Variants in NRXN1 observed in about 807,000 individuals in gnomAD.
The protein encoded by NRXN1 is neurexin-1.
NRXN1 carries 39 observed loss-of-function variants against 150.9 expected under a neutral mutation model. That is an observed-to-expected ratio of 0.26 (90% CI 0.20 to 0.34). The LOEUF is 0.34. NRXN1 is among the 10% of genes least tolerant of loss of function. The pLI is 1.00. For synonymous variants in NRXN1, 924 were observed against 757.0 expected, an observed-to-expected ratio of 1.22 and a Z score of -3.62; for missense variants, 1,815 against 1,949.9, an observed-to-expected ratio of 0.93 and a Z score of 1.30.
intron 18 of NRXN1, among the ~76,000 whole-genome samples, chr2:50,234,705 G>A (rs763295171): frequency 4.6e-5 from 7 of 151,940 alleles, no homozygotes; most frequent in African/African-American, 7.2e-5. Context: ...AGGAGGACAC[G>A]GTTTACGAGC....
chr2:50,929,461 T>C (rs2104374823), intron 2 of NRXN1, among the ~76,000 whole-genome samples: 1 of 152,186 alleles, frequency 6.6e-6, no homozygotes, highest in South Asian at 2.1e-4. Flanking sequence ...CACTTGGGCA[T>C]TCCTTTACTT....
chr2:50,563,120 T>C (rs1669353947), intron 8 of NRXN1, among the ~76,000 whole-genome samples: 1 of 152,200 alleles, frequency 6.6e-6, no homozygotes, highest in South Asian at 2.1e-4. Context: ...TTGTCTTCTG[T>C]ATTGACAAAA....
chr2:50,556,056 AT>A (rs1290799749), intron 8 of NRXN1, among the ~76,000 whole-genome samples: 1 of 152,082 alleles, frequency 6.6e-6, no homozygotes, highest in South Asian at 2.1e-4. Flanking sequence ...CACACTATGT[AT>A]TTTTTTCTTC....
At chr2:50,966,471 T>C (rs1340137807) in intron 2 of NRXN1, among the ~76,000 whole-genome samples, 2 of 151,760 alleles carry the variant, frequency 1.3e-5, no homozygotes, top group Non-Finnish European at 3.0e-5. Context: ...TGAGCATTTA[T>C]TAGGCATGAT....
chr2:50,474,119 G>C (rs1485356210), intron 15 of NRXN1, among the ~76,000 whole-genome samples: 2 of 151,912 alleles, frequency 1.3e-5, no homozygotes, highest in Non-Finnish European at 2.9e-5. Flanking sequence ...GTTTTGGTCA[G>C]AGAGGGGATA....
At chr2:50,410,257 G>A (rs1041247955) in intron 17 of NRXN1, among the ~76,000 whole-genome samples, 1 of 152,116 alleles carries the variant, frequency 6.6e-6, no homozygotes, top group Non-Finnish European at 1.5e-5. Flanking sequence ...CAATTTCAAG[G>A]TCTGGCTGGA....
At position 51,000,694 on chromosome 2, in the gene NRXN1, T is replaced by A. The variant is rs371080651; in HGVS notation, c.772+26808A>T. Reference sequence around the variant, plus strand: ...CAGAGACAGATGTTTTGATTTTTTTTAATTTCTCAATTTCTTTAATTTTAA... The same window carrying A: ...CAGAGACAGATGTTTTGATTTTTTTAAATTTCTCAATTTCTTTAATTTTAA... On this transcript the variant is annotated intron_variant, in intron 2 of 22. Transcript: ENST00000401669. 1.8e-3 allele frequency among the ~76,000 whole-genome samples: 273 copies of A among 152,114 alleles called. 4 individuals carry two copies. The highest frequency in any genetic ancestry group is 6.3e-3 in the African/African-American group (263 of 41,542).
intron 2 of NRXN1, among the ~76,000 whole-genome samples, chr2:50,993,804 T>A (rs1345185449): frequency 6.6e-6 from 1 of 152,020 alleles, no homozygotes; most frequent in Non-Finnish European, 1.5e-5. Context: ...GAGAACATCC[T>A]TTCCCTATTC....
At chr2:50,899,863 C>T (rs879810204) in intron 5 of NRXN1, among the ~76,000 whole-genome samples, 35 of 152,046 alleles carry the variant, frequency 2.3e-4, no homozygotes, top group Non-Finnish European at 4.3e-4. Context: ...TGAAATCTTC[C>T]ACATCAAACT....
intron 2 of NRXN1, among the ~76,000 whole-genome samples, chr2:50,951,296 AG>A (rs1183761198): frequency 6.6e-6 from 1 of 152,192 alleles, no homozygotes; most frequent in Non-Finnish European, 1.5e-5. Context: ...TGGATTTCAC[AG>A]GATCAGAGAA....
chr2:50,129,659 T>C (rs1705172310), intron 18 of NRXN1, among the ~76,000 whole-genome samples: 1 of 152,178 alleles, frequency 6.6e-6, no homozygotes, highest in South Asian at 2.1e-4. Context: ...GGAAATTATG[T>C]TGCTAGACCA....
At position 50,669,047 on chromosome 2, in the gene NRXN1, C is replaced by T. The variant is rs545820846; in HGVS notation, c.833-45432G>A. 4.6e-5 allele frequency among the ~76,000 whole-genome samples: 7 copies of T among 151,862 alleles called. No homozygotes were observed. In the South Asian group the frequency reaches 1.0e-3, roughly 23 times the overall value. ...TGGGAACTGGAGAGAAGAAAATCTACGCAGGAGAAATGGGAGGGGAGGAGT... is the reference window on the plus strand; with the variant it reads ...TGGGAACTGGAGAGAAGAAAATCTATGCAGGAGAAATGGGAGGGGAGGAGT... On this transcript the variant is annotated intron_variant, in intron 5 of 22. Coordinates refer to ENST00000401669, the MANE Select transcript of NRXN1 (RefSeq NM_001330078.2).
chr2:50,229,031 T>C (rs1352566748), intron 18 of NRXN1, among the ~76,000 whole-genome samples: 1 of 152,044 alleles, frequency 6.6e-6, no homozygotes, highest in Non-Finnish European at 1.5e-5. Flanking sequence ...AAGAATTTTC[T>C]CAGACCCCAT....
intron 21 of NRXN1, among the ~76,000 whole-genome samples, chr2:50,000,162 AAAAGTG>A (rs1683665185): frequency 6.6e-6 from 1 of 152,164 alleles, no homozygotes; most frequent in Non-Finnish European, 1.5e-5. Flanking sequence ...AATCCTCACT[AAAAGTG>A]CAAGCTATAG....
At chr2:50,698,910 C>A (rs972606913) in intron 5 of NRXN1, among the ~76,000 whole-genome samples, 3 of 152,126 alleles carry the variant, frequency 2.0e-5, no homozygotes, top group Admixed American at 2.0e-4. Context: ...TAGTCTTTTC[C>A]ATGAAATTTG....
intron 18 of NRXN1, among the ~76,000 whole-genome samples, chr2:50,227,955 T>G (rs2064558996): frequency 6.6e-6 from 1 of 152,068 alleles, no homozygotes; most frequent in African/African-American, 2.4e-5. Context: ...TAGAATAACT[T>G]GAGTATGTGA....
chr2:50,487,550 A>C (rs970515447), intron 15 of NRXN1, among the ~76,000 whole-genome samples: 1 of 152,202 alleles, frequency 6.6e-6, no homozygotes, highest in Non-Finnish European at 1.5e-5. Context: ...AAGATGGCAG[A>C]TTTAGCTTTT....
chr2:50,194,268 A>T (rs2061620999), intron 18 of NRXN1, among the ~76,000 whole-genome samples: 1 of 152,162 alleles, frequency 6.6e-6, no homozygotes, highest in African/African-American at 2.4e-5. Context: ...AATCATCAAC[A>T]GTTTAGCTTG....
At chr2:50,447,037 C>A (rs1219794176) in intron 17 of NRXN1, among the ~76,000 whole-genome samples, 6 of 152,092 alleles carry the variant, frequency 3.9e-5, no homozygotes, top group African/African-American at 7.2e-5. Flanking sequence ...CATTTTAGAT[C>A]TCTCTAATAA....
Sources: gnomAD v4.1 joint callset for allele counts (sites outside exome capture counted in the v4.1 genomes callset) on GRCh38, gnomAD v4.1.1 for gene constraint, MANE v1.5 for transcripts, NCBI Gene and HGNC (gene_info 2026-07-23, HGNC 2026-07-21) for gene names.